DUSP19: variants seen among roughly 807,000 people sequenced by gnomAD.
DUSP19 encodes dual specificity protein phosphatase 19.
A neutral mutation model predicts 16.6 loss-of-function variants in DUSP19; 14 were observed. That is an observed-to-expected ratio of 0.84 (90% CI 0.56 to 1.32). The LOEUF (loss-of-function observed/expected upper bound fraction) is 1.32. Ranked by LOEUF, DUSP19 falls within the 40% of genes most tolerant of loss-of-function variation. The pLI, the probability that DUSP19 is intolerant of heterozygous loss-of-function variation, is 0.00. For synonymous variants in DUSP19, 81 were observed against 90.5 expected (o/e 0.90, Z 0.59); for missense variants, 258 against 255.9 (o/e 1.01, Z -0.06).
At chr2:183,094,604 CTT>C (rs1386989905) in intron 3 of DUSP19, among the ~76,000 whole-genome samples, 16 of 152,144 alleles carry the variant, frequency 1.1e-4, no homozygotes, top group Admixed American at 6.5e-4. Context: ...CACTGTGTCT[CTT>C]TTCACTTGGA....
At chr2:183,089,553 G>A (rs948586537) in intron 3 of DUSP19, among the ~76,000 whole-genome samples, 1 of 100,726 alleles carries the variant, frequency 9.9e-6, no homozygotes, top group African/African-American at 2.6e-5. Context: ...CTCAGAGTAC[G>A]CCTGTCTATA....
At position 183,079,149 on chromosome 2, in the gene DUSP19, G is replaced by C. The variant is rs1247124826; in HGVS notation, c.216G>C (p.Trp72Cys). 6.2e-7 allele frequency: 1 copy of C among 1,613,622 alleles called. No homozygotes were observed. Among genetic ancestry groups the C allele is most frequent in the African/African-American group, 1.3e-5 (1 of 74,974 alleles). ...TGCAAGTTGGCGTTATTAAGCCATGGTTGCTCCTAGGTGAGTATATCGACT... is the reference window on the plus strand; with the variant it reads ...TGCAAGTTGGCGTTATTAAGCCATGCTTGCTCCTAGGTGAGTATATCGACT... Reference protein sequence around the residue: ...SDLQVGVIKPWLLLGSQDAAH... With the variant: ...SDLQVGVIKPCLLLGSQDAAH... Residue 72 changes from tryptophan (W) to cysteine (C), a missense_variant, in exon 1 of 4, where the codon TGG becomes TGC. Physicochemically the swap from Trp to Cys is radical, Grantham distance 215. Coordinates refer to ENST00000354221, the MANE Select transcript of DUSP19 (RefSeq NM_080876.4).
chr2:183,094,033 T>C (rs527478225), intron 3 of DUSP19, among the ~76,000 whole-genome samples: 1 of 152,298 alleles, frequency 6.6e-6, no homozygotes, highest in South Asian at 2.1e-4. Flanking sequence ...GTTTTGCTTT[T>C]CTTATATAGA....
chr2:183,090,703 C>CT (rs1699721319), intron 3 of DUSP19, among the ~76,000 whole-genome samples: 2 of 151,796 alleles, frequency 1.3e-5, no homozygotes, highest in African/African-American at 4.8e-5. Flanking sequence ...TATAGCCTGC[C>CT]TTTTTTTTGG....
At chr2:183,085,599 G>A (rs1442650086) in intron 2 of DUSP19, among the ~76,000 whole-genome samples, 1 of 151,752 alleles carries the variant, frequency 6.6e-6, no homozygotes, top group Admixed American at 6.6e-5. Flanking sequence ...AAAAAAAAAA[G>A]AGAGAGAGGA....
At position 183,099,750 on chromosome 2, in the gene DUSP19, C is replaced by G. The variant is rs1341540183; in HGVS notation, c.*4092C>G. On this transcript the variant is annotated 3_prime_UTR_variant, in exon 4 of 4. Coordinates refer to ENST00000354221, the MANE Select transcript of DUSP19 (RefSeq NM_080876.4). ...GCGCAGTGGCTCATGCCTGTAATCC[C>G]AACATTTTGGGAGGCCAAGGAGATG... 6.6e-6 allele frequency: 1 copy of G among 152,048 alleles called. No individual in the cohort carries two copies. The highest frequency in any genetic ancestry group is 1.9e-4 in the East Asian group (1 of 5,182). 9.4% of individuals were successfully genotyped at this position (152,048 alleles called of 1,614,324 possible).
chr2:183,080,969 G>A (rs1699585624), intron 1 of DUSP19, among the ~76,000 whole-genome samples: 1 of 152,148 alleles, frequency 6.6e-6, no homozygotes, highest in East Asian at 1.9e-4. Flanking sequence ...GGGAGACTGG[G>A]GTTGTTTGCA....
intron 3 of DUSP19, among the ~76,000 whole-genome samples, chr2:183,087,633 G>T (rs2705737): frequency 0.98 from 149,953 of 152,332 alleles, 73,858 homozygotes; most frequent in Middle Eastern, 1. Context: ...AGTACTTCAG[G>T]CTTGTTATTG....
Position 183,097,558 on chromosome 2 carries a change from C to G in DUSP19, c.*1900C>G, listed in dbSNP as rs1699819631. 1 of 152,132 alleles carries G rather than the reference C, an allele frequency of 6.6e-6. No individual in the cohort carries two copies. Among genetic ancestry groups the G allele is most frequent in the Non-Finnish European group, 1.5e-5 (1 of 68,018 alleles). The allele number at this position is 152,132 out of a possible 1,614,324, so 9.4% of individuals were successfully genotyped here. A position where few individuals can be genotyped will look rare whatever the true frequency, so the allele number is the denominator to read the frequency against. ...TGTTTTGAGATTGCTTACACCGTGACAAGATGCCATCACTTGTGATGTTAT... is the reference window on the plus strand; with the variant it reads ...TGTTTTGAGATTGCTTACACCGTGAGAAGATGCCATCACTTGTGATGTTAT... On this transcript the variant is annotated 3_prime_UTR_variant, in exon 4 of 4. Coordinates refer to ENST00000354221, the MANE Select transcript of DUSP19 (RefSeq NM_080876.4).
chr2:183,095,862 G>A lies in DUSP19; in HGVS notation c.*204G>A. On this transcript the variant is annotated 3_prime_UTR_variant, in exon 4 of 4. Transcript: ENST00000354221. Reference sequence around the variant, plus strand: ...TACTTTCTCTTTGTTATTATAATGTGTGATTAAATGCTTTTTTAAATTGCT... The same window carrying A: ...TACTTTCTCTTTGTTATTATAATGTATGATTAAATGCTTTTTTAAATTGCT... 2.7e-6 allele frequency: 1 copy of A among 374,024 alleles called. No homozygotes were observed. The highest frequency in any genetic ancestry group is 4.8e-6 in the Non-Finnish European group (1 of 209,222). 23.2% of individuals were successfully genotyped at this position (374,024 alleles called of 1,614,324 possible).
intron 1 of DUSP19, 55 bp downstream of exon 1, chr2:183,079,214 C>T: frequency 6.6e-7 from 1 of 1,504,756 alleles, no homozygotes; most frequent in South Asian, 1.2e-5. Context: ...AGATTACGTT[C>T]TCATTTTCCC....
At position 183,078,803 on chromosome 2, in the gene DUSP19, G is replaced by T. The variant is rs916011022; in HGVS notation, c.-131G>T. On this transcript the variant is annotated 5_prime_UTR_variant, in exon 1 of 4. Transcript: ENST00000354221. ...CGACTCAGTCTCTTGGTCTGTGGCT[G>T]CTGCGGTTACCTGGATGGGCGAGCA... 5 of 753,178 alleles carry T rather than the reference G, an allele frequency of 6.6e-6. No individual in the cohort carries two copies. Among genetic ancestry groups the T allele is most frequent in the Non-Finnish European group, 1.1e-5 (5 of 465,368 alleles). The allele number at this position is 753,178 out of a possible 1,614,324, so 46.7% of individuals were successfully genotyped here. A position where few individuals can be genotyped will look rare whatever the true frequency, so the allele number is the denominator to read the frequency against.
Position 183,078,771 on chromosome 2 carries a change from A to G in DUSP19, c.-163A>G. The stretch of plus-strand genomic sequence containing the variant: ...TACATTGCATCGCTGGGATAAACGG[A>G]GCTGGACGACTCAGTCTCTTGGTCT... On this transcript the variant is annotated 5_prime_UTR_variant, in exon 1 of 4. Transcript: ENST00000354221. 3.2e-6 allele frequency: 2 copies of G among 630,982 alleles called. No homozygotes were observed. The highest frequency in any genetic ancestry group is 2.7e-6 in the Non-Finnish European group (1 of 364,436). 39.1% of individuals were successfully genotyped at this position (630,982 alleles called of 1,614,324 possible).
chr2:183,080,350 G>A (rs746184116), intron 1 of DUSP19, among the ~76,000 whole-genome samples: 3 of 152,210 alleles, frequency 2.0e-5, no homozygotes, highest in Non-Finnish European at 2.9e-5. Context: ...GTACATATAA[G>A]TTATTAAATA....
At position 183,099,058 on chromosome 2, in the gene DUSP19, T is replaced by C. The variant is rs1202278396; in HGVS notation, c.*3400T>C. 6.6e-6 allele frequency: 1 copy of C among 152,158 alleles called. No homozygotes were observed. Among genetic ancestry groups the C allele is most frequent in the Non-Finnish European group, 1.5e-5 (1 of 68,004 alleles). 9.4% of individuals were successfully genotyped at this position (152,158 alleles called of 1,614,324 possible). A position where few individuals can be genotyped will look rare whatever the true frequency, so the allele number is the denominator to read the frequency against. On this transcript the variant is annotated 3_prime_UTR_variant, in exon 4 of 4. Coordinates refer to ENST00000354221, the MANE Select transcript of DUSP19 (RefSeq NM_080876.4). ...ATGAATACAATACTTGGATTTTTTT[T>C]TTTCAGCTTAGACTCTGATAATTTC...
intron 2 of DUSP19, among the ~76,000 whole-genome samples, chr2:183,086,702 A>G (rs1339108112): frequency 1.3e-5 from 2 of 150,650 alleles, no homozygotes; most frequent in African/African-American, 2.5e-5. Context: ...ACACGCCTGT[A>G]GTCCCAGCTA....
At chr2:183,079,264 G>A in intron 1 of DUSP19, 105 bp downstream of exon 1, 3 of 1,135,942 alleles carry the variant, frequency 2.6e-6, no homozygotes, top group Non-Finnish European at 3.7e-6. Flanking sequence ...CTATCCTGCC[G>A]AAAAGCTGAA....
In DUSP19 at chr2:183,082,419, C is replaced by CTTTTTT. The variant is rs71008260; in HGVS notation, c.227-1072_227-1067dup. Among the ~76,000 whole-genome samples, 189 of 84,774 alleles carry CTTTTTT rather than the reference C, an allele frequency of 2.2e-3. 1 individual carries two copies. Among genetic ancestry groups the CTTTTTT allele is most frequent in the Non-Finnish European group, 2.5e-3 (114 of 46,378 alleles). The allele number at this position is 84,774 out of a possible 152,430, so 55.6% of individuals were successfully genotyped here. A position where few individuals can be genotyped will look rare whatever the true frequency, so the allele number is the denominator to read the frequency against. ...AACCAGATACATTGAGAACATTTTT[C>CTTTTTT]TTTTTTTTTTTTTTTTTTTTTTGAG... On this transcript the variant is annotated intron_variant, in intron 1 of 3. Coordinates refer to ENST00000354221, the MANE Select transcript of DUSP19 (RefSeq NM_080876.4).
rs1699820559 is a variant in DUSP19, at chr2:183,097,647, C to T, written c.*1989C>T. The stretch of plus-strand genomic sequence containing the variant: ...CTAAATATAATCAACGTACAGTGAG[C>T]TCTTTGAAGCCAACCAAGGCAGGCA... On this transcript the variant is annotated 3_prime_UTR_variant, in exon 4 of 4. Transcript: ENST00000354221. 1 of 152,148 alleles carries T rather than the reference C, an allele frequency of 6.6e-6. No homozygotes were observed. Among genetic ancestry groups the T allele is most frequent in the Non-Finnish European group, 1.5e-5 (1 of 68,034 alleles). The allele number at this position is 152,148 out of a possible 1,614,324, so 9.4% of individuals were successfully genotyped here.
Sources: gnomAD v4.1 joint callset for allele counts (sites outside exome capture counted in the v4.1 genomes callset) on GRCh38, gnomAD v4.1.1 for gene constraint, MANE v1.5 for transcripts, NCBI Gene and HGNC (gene_info 2026-07-23, HGNC 2026-07-21) for gene names.